Variants in SP100 observed in about 807,000 individuals in gnomAD.
The protein encoded by SP100 is SP100 nuclear body protein.
Under a neutral mutation model 130.0 loss-of-function variants are expected in SP100, and 84 were observed. The observed-to-expected ratio is 0.65, with a 90% CI of 0.54 to 0.77. SP100 has a LOEUF of 0.77. Ranked by LOEUF, SP100 falls within the 30% of genes least tolerant of loss-of-function variation. The probability of loss-of-function intolerance (pLI) is 0.00; values close to 1 mark genes in which losing one functional copy is unlikely to be tolerated. For synonymous variants in SP100, 331 were observed against 351.7 expected (o/e 0.94, Z 0.66); for missense variants, 978 against 1,052.2 (o/e 0.93, Z 0.97).
At chr2:230,502,852 A>G (rs2067112448) in intron 19 of SP100, among the ~76,000 whole-genome samples, 1 of 152,206 alleles carries the variant, frequency 6.6e-6, no homozygotes, top group South Asian at 2.1e-4. Context: ...AATTCATGAC[A>G]CAACTACAGA....
At chr2:230,539,438 C>T in intron 25 of SP100, 56 bp downstream of exon 25, 1 of 1,213,182 alleles carries the variant, frequency 8.2e-7, no homozygotes, top group Non-Finnish European at 1.2e-6. Flanking sequence ...ACAGCTCCTC[C>T]TGCCACTCAT....
rs750670871 is a variant in SP100 at position 230,417,679 on chromosome 2, A to G, written c.107+14A>G. Reference sequence around the variant, plus strand: ...CGATTTGCAAAGGTGATGAATGAAGAGTTATGTCTTGTTTTAATTTGTATT... The same window carrying G: ...CGATTTGCAAAGGTGATGAATGAAGGGTTATGTCTTGTTTTAATTTGTATT... On this transcript the variant is annotated intron_variant, in intron 2 of 28. Transcript: ENST00000340126. 2 of 1,607,890 alleles carry G rather than the reference A, an allele frequency of 1.2e-6. No homozygotes were observed. Among genetic ancestry groups the G allele is most frequent in the Non-Finnish European group, 1.7e-6 (2 of 1,178,000 alleles).
chr2:230,438,821 AAAC>A (rs1450345220), intron 2 of SP100, among the ~76,000 whole-genome samples: 1 of 152,090 alleles, frequency 6.6e-6, no homozygotes, highest in Non-Finnish European at 1.5e-5. Flanking sequence ...GTGCTGCTAT[AAAC>A]GCGTGTGCAA....
intron 8 of SP100, among the ~76,000 whole-genome samples, chr2:230,454,840 AT>A (rs939777975): frequency 1.9e-4 from 29 of 151,990 alleles, no homozygotes; most frequent in African/African-American, 6.5e-4. Context: ...GTTCTTATTG[AT>A]TTTCTCCCTG....
chr2:230,507,554 G>A (rs901280614), intron 22 of SP100, among the ~76,000 whole-genome samples: 1 of 152,146 alleles, frequency 6.6e-6, no homozygotes, highest in East Asian at 1.9e-4. Flanking sequence ...GTTCTCACAA[G>A]AGACACCTGC....
intron 17 of SP100, among the ~76,000 whole-genome samples, chr2:230,482,365 G>A (rs2065874571): frequency 6.6e-6 from 1 of 152,122 alleles, no homozygotes; most frequent in South Asian, 2.1e-4. Context: ...CAGCAAGAGT[G>A]AGGCTCAGTT....
At chr2:230,470,495 G>A (rs943433719) in intron 15 of SP100, 3 of 887,318 alleles carry the variant, frequency 3.4e-6, no homozygotes, top group Non-Finnish European at 4.1e-6. Flanking sequence ...TGTAATTATA[G>A]ACAGAAATAA....
chr2:230,469,360 C>G, intron 14 of SP100: 1 of 514,938 alleles, frequency 1.9e-6, no homozygotes, highest in Non-Finnish European at 3.7e-6. Context: ...GGTGCCCACA[C>G]AGTCATTCAG....
chr2:230,527,491 T>A (rs1410074698), intron 24 of SP100, among the ~76,000 whole-genome samples: 1 of 152,140 alleles, frequency 6.6e-6, no homozygotes, highest in African/African-American at 2.4e-5. Flanking sequence ...TTAAAGACCA[T>A]CGATGCTATG....
Position 230,467,693 on chromosome 2 carries a change from A to C in SP100, c.1291+478A>C, listed in dbSNP as rs578165931. On this transcript the variant is annotated intron_variant, in intron 13 of 28. Transcript: ENST00000340126. ...AGCACAGGAAAGATCTCTCCCCATGATTCAATTACGTGCCACCAGGCCCCT... is the reference window on the plus strand; with the variant it reads ...AGCACAGGAAAGATCTCTCCCCATGCTTCAATTACGTGCCACCAGGCCCCT... Among the ~76,000 whole-genome samples the C allele has an allele frequency of 3.3e-5, 5 of 152,326 alleles. No individual in the cohort carries two copies. In the South Asian group the frequency reaches 1.0e-3, roughly 32 times the overall value.
intron 17 of SP100, among the ~76,000 whole-genome samples, chr2:230,480,020 A>C (rs1211316781): frequency 6.6e-6 from 1 of 152,156 alleles, no homozygotes; most frequent in African/African-American, 2.4e-5. Context: ...CTTCTACATA[A>C]AATAACACAT....
At chr2:230,451,678 T>G (rs1442327850) in intron 8 of SP100, among the ~76,000 whole-genome samples, 1 of 152,248 alleles carries the variant, frequency 6.6e-6, no homozygotes, top group Non-Finnish European at 1.5e-5. Context: ...GCTTTTGTGA[T>G]TGTGCTTCTG....
intron 4 of SP100, among the ~76,000 whole-genome samples, chr2:230,445,850 C>T (rs1348000157): frequency 6.6e-6 from 1 of 152,104 alleles, no homozygotes; most frequent in African/African-American, 2.4e-5. Context: ...TCTGGCGCTC[C>T]TTGTGCTTGG....
At chr2:230,535,507 T>C (rs952347462) in intron 24 of SP100, among the ~76,000 whole-genome samples, 3 of 152,198 alleles carry the variant, frequency 2.0e-5, no homozygotes, top group Non-Finnish European at 4.4e-5. Flanking sequence ...TCTTGTAAAC[T>C]AAGTTTGAGG....
intron 24 of SP100, among the ~76,000 whole-genome samples, chr2:230,513,764 C>T (rs1392849679): frequency 2.0e-5 from 3 of 152,186 alleles, no homozygotes; most frequent in African/African-American, 4.8e-5. Flanking sequence ...AGTATTTTGG[C>T]CTTAGCCATG....
At chr2:230,418,947 G>A (rs1011064944) in intron 2 of SP100, among the ~76,000 whole-genome samples, 2 of 152,062 alleles carry the variant, frequency 1.3e-5, no homozygotes, top group African/African-American at 4.8e-5. Flanking sequence ...TCAAAATCTC[G>A]AGATTTTGTG....
intron 8 of SP100, among the ~76,000 whole-genome samples, chr2:230,458,434 G>T (rs2149953839): frequency 6.6e-6 from 1 of 152,256 alleles, no homozygotes; most frequent in Admixed American, 6.5e-5. Flanking sequence ...CTGAGGGGTG[G>T]CAGAGGTGGA....
intron 12 of SP100, among the ~76,000 whole-genome samples, chr2:230,466,886 G>A (rs535754764): frequency 6.6e-6 from 1 of 152,202 alleles, no homozygotes; most frequent in East Asian, 1.9e-4. Context: ...GCCCACTGGG[G>A]CTAAAATTTT....
Position 230,462,458 on chromosome 2 carries a change from G to C in SP100, c.997G>C (p.Gly333Arg), listed in dbSNP as rs776483965. ...IIVISSEDSEGSTDVDEPLEV... is the reference protein window; with the variant it reads ...IIVISSEDSERSTDVDEPLEV... ...AGTCATCAGCAGTGAGGACTCTGAA[G>C]GATCCACTGACGTTGATGAGCCCTT... Residue 333 changes from glycine (G) to arginine (R), a missense_variant, in exon 10 of 29, where the codon GGA becomes CGA. Transcript: ENST00000340126. The C allele has an allele frequency of 6.2e-7, 1 of 1,613,870 alleles. No homozygotes were observed. Among genetic ancestry groups the C allele is most frequent in the South Asian group, 1.1e-5 (1 of 91,054 alleles).
Sources: allele counts gnomAD v4.1 joint callset (sites outside exome capture counted in the v4.1 genomes callset), GRCh38; gene constraint gnomAD v4.1.1; transcripts MANE v1.5; gene names NCBI Gene and HGNC (gene_info 2026-07-23, HGNC 2026-07-21).